Variants in PIGK observed in about 807,000 individuals in gnomAD.
The protein encoded by PIGK is phosphatidylinositol glycan anchor biosynthesis class K.
A neutral mutation model predicts 50.6 loss-of-function variants in PIGK; 42 were observed. The observed-to-expected ratio is 0.83, with a 90% CI of 0.65 to 1.07. The LOEUF is 1.07. Among genes scored for constraint, PIGK ranks in the 50% least tolerant of loss-of-function variants. PIGK has a pLI of 0.00. For synonymous variants in PIGK, 151 were observed against 156.0 expected (o/e 0.97, Z 0.24); for missense variants, 448 against 488.7 (o/e 0.92, Z 0.78).
intron 9 of PIGK, among the ~76,000 whole-genome samples, chr1:77,125,734 C>A (rs917434703): frequency 6.6e-6 from 1 of 151,996 alleles, no homozygotes; most frequent in African/African-American, 2.4e-5. Context: ...AACAGGAGTC[C>A]TTTCAATATG....
At chr1:77,104,933 C>T (rs916424512) in intron 10 of PIGK, among the ~76,000 whole-genome samples, 2 of 152,126 alleles carry the variant, frequency 1.3e-5, no homozygotes, top group African/African-American at 4.8e-5. Context: ...CTCAGTTGGC[C>T]CCTTGCCTCA....
intron 3 of PIGK, among the ~76,000 whole-genome samples, chr1:77,202,039 T>C (rs1656180769): frequency 6.7e-6 from 1 of 149,934 alleles, no homozygotes; most frequent in Non-Finnish European, 1.5e-5. Context: ...CCCAGGGCAA[T>C]GGAGTGAGAC....
At chr1:77,184,193 C>G (rs1463871193) in intron 3 of PIGK, among the ~76,000 whole-genome samples, 1 of 139,990 alleles carries the variant, frequency 7.1e-6, no homozygotes, top group Non-Finnish European at 1.6e-5. Context: ...AGCTCTGGCA[C>G]TGGCTAATTA....
chr1:77,101,981 C>T (rs779174495), intron 10 of PIGK, among the ~76,000 whole-genome samples: 7 of 151,962 alleles, frequency 4.6e-5, no homozygotes, highest in Admixed American at 1.3e-4. Flanking sequence ...TCCAGCCTGG[C>T]GACAGAGTGA....
chr1:77,123,272 G>T (rs1200150478), intron 9 of PIGK, among the ~76,000 whole-genome samples: 1 of 152,068 alleles, frequency 6.6e-6, no homozygotes, highest in East Asian at 1.9e-4. Flanking sequence ...TGCCTTTTCT[G>T]TGAATTACAC....
chr1:77,191,116 C>T (rs1244747113), intron 3 of PIGK, among the ~76,000 whole-genome samples: 2 of 152,186 alleles, frequency 1.3e-5, no homozygotes, highest in African/African-American at 4.8e-5. Context: ...TAATTCAAAT[C>T]TGTGCATTAC....
chr1:77,190,167 C>T (rs1046271054), intron 3 of PIGK, among the ~76,000 whole-genome samples: 2 of 151,704 alleles, frequency 1.3e-5, no homozygotes, highest in Non-Finnish European at 2.9e-5. Context: ...GTGGGAGGAT[C>T]GTTTGAGGCC....
At chr1:77,149,793 C>A (rs1046813281) in intron 9 of PIGK, among the ~76,000 whole-genome samples, 6 of 152,122 alleles carry the variant, frequency 3.9e-5, no homozygotes, top group Non-Finnish European at 5.9e-5. Flanking sequence ...GCAGATTATA[C>A]ATTTTCCTCA....
At chr1:77,216,204 C>G (rs1264105316) in intron 1 of PIGK, among the ~76,000 whole-genome samples, 3 of 151,810 alleles carry the variant, frequency 2.0e-5, no homozygotes, top group Non-Finnish European at 4.4e-5. Flanking sequence ...CACTATATAC[C>G]CCATAAATAT....
chr1:77,150,440 G>T (rs1175947640), intron 9 of PIGK, among the ~76,000 whole-genome samples: 2 of 149,696 alleles, frequency 1.3e-5, no homozygotes. Context: ...AGGATCGCTT[G>T]AGCCCAGGAG....
At chr1:77,149,991 C>T (rs879491097) in intron 9 of PIGK, among the ~76,000 whole-genome samples, 1 of 150,924 alleles carries the variant, frequency 6.6e-6, no homozygotes, top group African/African-American at 2.4e-5. Flanking sequence ...TCCTGAATAA[C>T]AAATGGGTCA....
At chr1:77,196,509 T>C (rs1656040786) in intron 3 of PIGK, among the ~76,000 whole-genome samples, 1 of 152,206 alleles carries the variant, frequency 6.6e-6, no homozygotes, top group Admixed American at 6.5e-5. Context: ...TTTTAAGTCA[T>C]TCTGACTGGT....
intron 10 of PIGK, among the ~76,000 whole-genome samples, chr1:77,093,377 G>A (rs1439756087): frequency 6.6e-6 from 1 of 152,068 alleles, no homozygotes. Context: ...GTAATTGGAA[G>A]TTTGTGACAA....
At chr1:77,205,091 A>C (rs562929672) in intron 3 of PIGK, among the ~76,000 whole-genome samples, 1 of 152,326 alleles carries the variant, frequency 6.6e-6, no homozygotes, top group South Asian at 2.1e-4. Context: ...GCTATTGTCT[A>C]TTCCTAAAAA....
chr1:77,147,500 T>C (rs1275940705), intron 9 of PIGK, among the ~76,000 whole-genome samples: 1 of 152,220 alleles, frequency 6.6e-6, no homozygotes, highest in Non-Finnish European at 1.5e-5. Flanking sequence ...GGTAATTCTA[T>C]AGAATTTAGA....
chr1:77,121,381 A>G (rs1654092596), intron 10 of PIGK, among the ~76,000 whole-genome samples: 1 of 152,210 alleles, frequency 6.6e-6, no homozygotes. Context: ...TGCAATATTA[A>G]ATTTTAATGT....
intron 9 of PIGK, among the ~76,000 whole-genome samples, chr1:77,131,075 T>C (rs1654362187): frequency 6.6e-6 from 1 of 152,082 alleles, no homozygotes; most frequent in Non-Finnish European, 1.5e-5. Context: ...TCTCCATTTA[T>C]AGGTGTTCCT....
intron 3 of PIGK, among the ~76,000 whole-genome samples, chr1:77,184,674 T>G (rs977503365): frequency 1.3e-5 from 2 of 152,290 alleles, no homozygotes; most frequent in East Asian, 3.9e-4. Context: ...ACTTACAGTG[T>G]GTCCAGTGGA....
Position 77,105,220 on chromosome 1 carries a change from G to A in PIGK, c.1072-12730C>T, listed in dbSNP as rs142649684. Reference sequence around the variant, plus strand: ...CTTCTTAAGTTCAGCCGTCTCCCTCGAAGTCCAGCCATCTCCCTCCCTACC... The same window carrying A: ...CTTCTTAAGTTCAGCCGTCTCCCTCAAAGTCCAGCCATCTCCCTCCCTACC... On this transcript the variant is annotated intron_variant, in intron 10 of 10. Coordinates refer to ENST00000370812, the MANE Select transcript of PIGK (RefSeq NM_005482.3). Among the ~76,000 whole-genome samples the A allele has an allele frequency of 2.6e-3, 394 of 152,042 alleles. 2 individuals are homozygous for A. The highest frequency in any genetic ancestry group is 8.3e-3 in the African/African-American group (346 of 41,496).
Sources: allele counts gnomAD v4.1 joint callset (sites outside exome capture counted in the v4.1 genomes callset), GRCh38; gene constraint gnomAD v4.1.1; transcripts MANE v1.5; gene names NCBI Gene and HGNC (gene_info 2026-07-23, HGNC 2026-07-21).